Variants in NWD1 observed in about 807,000 individuals in gnomAD.
NWD1 encodes NACHT and WD repeat domain containing 1, also known as NACHT domain- and WD repeat-containing protein 1.
Under a neutral mutation model 135.1 loss-of-function variants are expected in NWD1, and 129 were observed. The observed-to-expected ratio is 0.96, with a 90% CI of 0.83 to 1.11. NWD1 has a LOEUF of 1.11. Among genes scored for constraint, NWD1 ranks in the 50% least tolerant of loss-of-function variants. NWD1 has a pLI of 0.00. For synonymous variants in NWD1, 773 were observed against 786.0 expected (o/e 0.98, Z 0.28); for missense variants, 1,740 against 1,851.3 (o/e 0.94, Z 1.10).
chr19:16,762,208 T>G (rs1270254401), intron 8 of NWD1, 70 bp downstream of exon 8: 22 of 1,439,744 alleles, frequency 1.5e-5, no homozygotes, highest in African/African-American at 2.8e-5. Flanking sequence ...ACCTCCTTCC[T>G]TCCCCTTTTT....
intron 5 of NWD1, among the ~76,000 whole-genome samples, chr19:16,748,931 G>A (rs1004961852): frequency 6.6e-6 from 1 of 152,080 alleles, no homozygotes; most frequent in African/African-American, 2.4e-5. Context: ...TGCAAACTCC[G>A]GGGCCCCACT....
intron 3 of NWD1, among the ~76,000 whole-genome samples, chr19:16,734,486 G>T (rs1967709739): frequency 6.7e-6 from 1 of 149,334 alleles, no homozygotes; most frequent in South Asian, 2.1e-4. Flanking sequence ...AGTGAGCCAA[G>T]ATTGCGCCAC....
rs1323972844 is a variant in NWD1 at position 16,773,147 on chromosome 19, A to G, written c.2432A>G (p.Glu811Gly). 4.3e-6 allele frequency: 7 copies of G among 1,613,932 alleles called. No homozygotes were observed. The South Asian group carries it at 5.5e-5, about 13-fold the overall frequency. The change falls in exon 11 of 19, where the codon GAA becomes GGA. Residue 811 changes from glutamate to glycine, a missense_variant. By Grantham distance (98) the Glu-to-Gly change is moderately conservative (BLOSUM62 -2). Transcript: ENST00000524140. ...RGMERSLLYT[E>G]LLARLHFFAT... ...GCAGAGAGGAGCCTCCTGTACACAGAACTGCTGGCCAGACTCCATTTCTTC... is the reference window on the plus strand; with the variant it reads ...GCAGAGAGGAGCCTCCTGTACACAGGACTGCTGGCCAGACTCCATTTCTTC...
intron 18 of NWD1, among the ~76,000 whole-genome samples, chr19:16,809,807 T>C (rs991283943): frequency 3.3e-5 from 5 of 152,198 alleles, no homozygotes; most frequent in African/African-American, 1.2e-4. Context: ...TCCGCCCACC[T>C]TGGCCTCACA....
chr19:16,808,190 T>C, intron 18 of NWD1, 54 bp downstream of exon 18: 3 of 1,506,850 alleles, frequency 2.0e-6, no homozygotes, highest in Non-Finnish European at 2.8e-6. Flanking sequence ...GGAAAACTGA[T>C]AGATAGCCAT....
At chr19:16,783,009 T>TTTCTTTCC (rs147945927) in intron 12 of NWD1, among the ~76,000 whole-genome samples, 15,505 of 144,414 alleles carry the variant, frequency 0.11, 1,726 homozygotes, top group African/African-American at 0.28. Flanking sequence ...TCTCTCTTTC[T>TTTCTTTCC]TTCTTTCCTT....
rs556480866 is a variant in NWD1, at chr19:16,750,172, T to G, written c.1530T>G (p.Ala510=). ...GQQMIQLLLA[A]ARRTLSPVHT... ...AGATGATCCAACTCCTGCTGGCAGC[T>G]GCAAGGAGGACGCTGAGCCCGGTGC... The change falls in exon 6 of 19, where the codon GCT becomes GCG. Residue 510 remains alanine (A), a synonymous_variant. Coordinates refer to ENST00000524140, the MANE Select transcript of NWD1 (RefSeq NM_001007525.5). 235 of 1,613,612 alleles carry G rather than the reference T, an allele frequency of 1.5e-4. 1 individual carries two copies. The East Asian group carries it at 5.1e-3, about 35-fold the overall frequency.
chr19:16,749,655 T>C lies in NWD1; in HGVS notation c.1013T>C (p.Val338Ala), dbSNP rs779505296. ...GACAGCAAGCAGCACACCCCCCTGGTACTCTTTGGGCCCCCAGGCATTGGA... is the reference window on the plus strand; with the variant it reads ...GACAGCAAGCAGCACACCCCCCTGGCACTCTTTGGGCCCCCAGGCATTGGA... Reference protein sequence around the residue: ...HDDSKQHTPLVLFGPPGIGKT... With the variant: ...HDDSKQHTPLALFGPPGIGKT... The change falls in exon 6 of 19, where the codon GTA becomes GCA. Residue 338 changes from valine to alanine, a missense_variant. Val to Ala is a moderately conservative substitution (Grantham distance 64, BLOSUM62 0). Transcript: ENST00000524140. The C allele has an allele frequency of 1.2e-6, 2 of 1,604,720 alleles. No individual in the cohort carries two copies. Among genetic ancestry groups the C allele is most frequent in the Non-Finnish European group, 1.7e-6 (2 of 1,173,860 alleles).
intron 12 of NWD1, 98 bp from the exon 13 acceptor site, chr19:16,788,884 G>A (rs1030499391): frequency 8.8e-6 from 7 of 793,710 alleles, no homozygotes; most frequent in Admixed American, 6.0e-5. Flanking sequence ...TCTTTTCTTT[G>A]GTAAATGAGG....
rs1568351290 is a variant in NWD1 at position 16,750,083 on chromosome 19, CG to C, written c.1444del (p.Val482CysfsTer11). The C allele has an allele frequency of 6.2e-7, 1 of 1,614,026 alleles. No individual in the cohort carries two copies. Among genetic ancestry groups the C allele is most frequent in the Non-Finnish European group, 8.5e-7 (1 of 1,180,014 alleles). ...GALGVLDTLQ[R>X]VLLDPEAYWE... ...ACTGGGGGTTTTGGACACCTTGCAG[CG>C]GGTGCTCCTGGACCCGGAGGCCTAC... On this transcript the variant is annotated frameshift_variant, in exon 6 of 19. Transcript: ENST00000524140. LOFTEE classifies it high-confidence loss of function.
intron 15 of NWD1, among the ~76,000 whole-genome samples, chr19:16,795,470 G>C (rs570342398): frequency 4.8e-5 from 7 of 146,938 alleles, no homozygotes; most frequent in African/African-American, 1.8e-4. Flanking sequence ...AGGCTGTAGT[G>C]CAGTGGTATG....
chr19:16,794,575 G>T (rs1482824640), intron 15 of NWD1, 22 bp downstream of exon 15: 4 of 1,489,940 alleles, frequency 2.7e-6, no homozygotes, highest in East Asian at 2.3e-5. Context: ...CTCTCATTTG[G>T]AGTAGTGAGG....
chr19:16,725,360 C>A (rs1393450629), intron 2 of NWD1, among the ~76,000 whole-genome samples: 1 of 150,020 alleles, frequency 6.7e-6, no homozygotes, highest in African/African-American at 2.4e-5. Flanking sequence ...CACCTGTAGT[C>A]CCAGCTACTT....
chr19:16,812,782 C>T (rs750228780), intron 18 of NWD1: 11 of 781,070 alleles, frequency 1.4e-5, no homozygotes, highest in Non-Finnish European at 2.6e-5. Flanking sequence ...GCTTGCTTCT[C>T]CAAGGATGAC....
intron 10 of NWD1, among the ~76,000 whole-genome samples, chr19:16,766,008 C>A (rs1969208935): frequency 7.8e-6 from 1 of 129,002 alleles, no homozygotes; most frequent in Non-Finnish European, 1.6e-5. Context: ...CAGAGTGAGA[C>A]TCCGTCTCAA....
chr19:16,815,055 A>C lies in NWD1; in HGVS notation c.*16A>C, dbSNP rs143637677. ...ACCCTGCTGACAGTCCAGTTTGTCC[A>C]TGCTGTGGTAAACAGAATCATCCCA... On this transcript the variant is annotated 3_prime_UTR_variant, in exon 19 of 19. Coordinates refer to ENST00000524140, the MANE Select transcript of NWD1 (RefSeq NM_001007525.5). 5 of 1,613,648 alleles carry C rather than the reference A, an allele frequency of 3.1e-6. No individual in the cohort carries two copies. The highest frequency in any genetic ancestry group is 4.2e-6 in the Non-Finnish European group (5 of 1,179,682).
chr19:16,736,606 C>G, intron 3 of NWD1, 28 bp from the exon 4 acceptor site: 1 of 1,377,672 alleles, frequency 7.3e-7, no homozygotes, highest in Non-Finnish European at 1.0e-6. Flanking sequence ...TGCCACCTCT[C>G]TGACAAACTT....
chr19:16,759,077 T>G lies in NWD1; in HGVS notation c.1770-148T>G, dbSNP rs528467053. 3.3e-5 allele frequency: 22 copies of G among 667,228 alleles called. No individual in the cohort carries two copies. In the African/African-American group the frequency reaches 3.6e-4, roughly 11 times the overall value. 41.3% of individuals were successfully genotyped at this position (667,228 alleles called of 1,614,324 possible). ...TGGGTATTGCCCTAACCGTGCTTGG[T>G]ACCTTGTGGGCGCTGTCCAAATGCT... On this transcript the variant is annotated intron_variant, in intron 6 of 18. Transcript: ENST00000524140.
At chr19:16,759,179 A>G (rs764692191) in intron 6 of NWD1, 46 bp from the exon 7 acceptor site, 18 of 1,500,738 alleles carry the variant, frequency 1.2e-5, no homozygotes, top group Admixed American at 1.7e-5. Context: ...CTCCAAATGC[A>G]GAAGACATGA....
Sources: gnomAD v4.1 joint callset for allele counts (sites outside exome capture counted in the v4.1 genomes callset) on GRCh38, gnomAD v4.1.1 for gene constraint, MANE v1.5 for transcripts, NCBI Gene and HGNC (gene_info 2026-07-23, HGNC 2026-07-21) for gene names.